Variants in DCHS2 observed in about 807,000 individuals in gnomAD.
DCHS2 encodes the protein dachsous cadherin-related 2, also known as protocadherin-23.
In DCHS2, 142 loss-of-function variants were observed where a neutral mutation model predicts 182.4. That is an observed-to-expected ratio of 0.78 (90% CI 0.68 to 0.89). DCHS2 has a LOEUF of 0.89. DCHS2 is among the 40% of genes least tolerant of loss of function. DCHS2 has a pLI of 0.00. For synonymous variants in DCHS2, 1,740 were observed against 1,663.3 expected (o/e 1.05, Z -1.12); for missense variants, 4,319 against 4,198.6 (o/e 1.03, Z -0.79).
rs762952228 is a variant in DCHS2, at chr4:154,333,024, G to T, written c.3184C>A (p.Pro1062Thr). 301 of 1,614,034 alleles carry T rather than the reference G, an allele frequency of 1.9e-4. No individual in the cohort carries two copies. Among genetic ancestry groups the T allele is most frequent in the Non-Finnish European group, 2.4e-4 (282 of 1,179,998 alleles). The change falls in exon 5 of 20, where the codon CCT becomes ACT. Residue 1062 changes from proline to threonine, a missense_variant. Coordinates refer to ENST00000357232, the MANE Select transcript of DCHS2 (RefSeq NM_001358235.2). ...GTCAGCACCAGCAGGGCTGCCTGAG[G>T]ATGCACGCCTTGGTCCTCGGCCCTG... ...TLRAEDQGVH[P>T]QAALLVLTVV...
At chr4:154,481,288 G>A (rs1171620915) in intron 1 of DCHS2, among the ~76,000 whole-genome samples, 3 of 152,170 alleles carry the variant, frequency 2.0e-5, no homozygotes, top group African/African-American at 4.8e-5. Context: ...TGGAGACAGG[G>A]TCTTGCTCTG....
chr4:154,358,064 C>G (rs1487409682), intron 3 of DCHS2, among the ~76,000 whole-genome samples: 1 of 152,142 alleles, frequency 6.6e-6, no homozygotes, highest in African/African-American at 2.4e-5. Flanking sequence ...TCCAAATTAT[C>G]AACATTTTAT....
At chr4:154,408,830 G>C (rs557530993) in intron 1 of DCHS2, among the ~76,000 whole-genome samples, 1 of 152,072 alleles carries the variant, frequency 6.6e-6, no homozygotes, top group Non-Finnish European at 1.5e-5. Flanking sequence ...AAGTAAGCAA[G>C]GGGACCCCAG....
chr4:154,345,554 T>G (rs1729319032), intron 3 of DCHS2, among the ~76,000 whole-genome samples: 1 of 152,248 alleles, frequency 6.6e-6, no homozygotes, highest in Non-Finnish European at 1.5e-5. Context: ...CTACAAGTCC[T>G]AATTATGCCA....
chr4:154,487,315 G>C (rs1173893585), intron 1 of DCHS2, among the ~76,000 whole-genome samples: 1 of 152,188 alleles, frequency 6.6e-6, no homozygotes, highest in African/African-American at 2.4e-5. Flanking sequence ...ATCTGACGCT[G>C]CATGGCTGGG....
Position 154,380,161 on chromosome 4 carries a change from T to C in DCHS2, c.2053-2717A>G, listed in dbSNP as rs183981200. Among the ~76,000 whole-genome samples, 50 of 152,300 alleles carry C rather than the reference T, an allele frequency of 3.3e-4. 1 individual carries two copies. Among genetic ancestry groups the C allele is most frequent in the Admixed American group, 3.3e-3 (50 of 15,280 alleles). Reference sequence around the variant, plus strand: ...TGAAACTCCTACCAATTGGCAGTGTTATTTTCCTGCTTTAATTGTCTATTT... The same window carrying C: ...TGAAACTCCTACCAATTGGCAGTGTCATTTTCCTGCTTTAATTGTCTATTT... On this transcript the variant is annotated intron_variant, in intron 1 of 19. Coordinates refer to ENST00000357232, the MANE Select transcript of DCHS2 (RefSeq NM_001358235.2).
intron 1 of DCHS2, among the ~76,000 whole-genome samples, chr4:154,378,417 G>A (rs542502310): frequency 1.4e-5 from 2 of 144,424 alleles, no homozygotes; most frequent in South Asian, 4.5e-4. Flanking sequence ...TTTAAGGGAA[G>A]ACAGAAAGAA....
intron 15 of DCHS2, 28 bp downstream of exon 15, chr4:154,259,493 GACACACCCACACACACACACACAC>G (rs1732864160): frequency 3.2e-6 from 5 of 1,575,664 alleles, no homozygotes; most frequent in South Asian, 1.2e-5. Flanking sequence ...CTCTCACACA[GACACACCCACACACACACACACAC>G]ACACACACAC....
Position 154,448,962 on chromosome 4 carries a change from T to C in DCHS2, c.2052+40342A>G, listed in dbSNP as rs115395709. ...TCCATCTGTGTGATTGTATGGTTAA[T>C]GCGTGCCTCCTCACTGGACTGTAAA... On this transcript the variant is annotated intron_variant, in intron 1 of 19. Transcript: ENST00000357232. Among the ~76,000 whole-genome samples the C allele has an allele frequency of 4.5e-3, 686 of 152,340 alleles. 5 individuals are homozygous for C. Among genetic ancestry groups the C allele is most frequent in the Non-Finnish European group, 6.5e-3 (442 of 68,026 alleles).
intron 1 of DCHS2, among the ~76,000 whole-genome samples, chr4:154,406,154 G>A (rs1430513817): frequency 1.3e-5 from 2 of 152,192 alleles, no homozygotes; most frequent in Admixed American, 6.5e-5. Context: ...CTCAGAGTCT[G>A]GGCCAGCATA....
At position 154,320,648 on chromosome 4, in the gene DCHS2, A is replaced by AC; in HGVS notation, c.4750_4751insG (p.Ile1584SerfsTer8). 6.2e-7 allele frequency: 1 copy of AC among 1,614,160 alleles called. No homozygotes were observed. Among genetic ancestry groups the AC allele is most frequent in the Non-Finnish European group, 8.5e-7 (1 of 1,180,018 alleles). On this transcript the variant is annotated frameshift_variant, in exon 9 of 20. Transcript: ENST00000357232. LOFTEE classifies it high-confidence loss of function. ...CTGATCAGATGCTGTTACTGTCAGGATGACAGTTGGAATGCTTTCTCTGTC... is the reference window on the plus strand; with the variant it reads ...CTGATCAGATGCTGTTACTGTCAGGACTGACAGTTGGAATGCTTTCTCTGTC...
rs746236665 is a variant in DCHS2 at position 154,377,366 on chromosome 4, C to A, written c.2131G>T (p.Ala711Ser). Residue 711 changes from alanine to serine, a missense_variant, in exon 2 of 20, where the codon GCA becomes TCA. By Grantham distance (99) the Ala-to-Ser change is moderately conservative. Coordinates refer to ENST00000357232, the MANE Select transcript of DCHS2 (RefSeq NM_001358235.2). ...SLYDGFLSYE[A>S]PQAFRIDPHD... Reference sequence around the variant, plus strand: ...GGGTCGATCCGGAATGCCTGAGGTGCTTCATAGCTCAGGAATCCATCATAA... The same window carrying A: ...GGGTCGATCCGGAATGCCTGAGGTGATTCATAGCTCAGGAATCCATCATAA... 2 of 1,613,262 alleles carry A rather than the reference C, an allele frequency of 1.2e-6. No individual in the cohort carries two copies. Among genetic ancestry groups the A allele is most frequent in the African/African-American group, 1.3e-5 (1 of 74,858 alleles).
At chr4:154,459,709 C>T (rs1020744007) in intron 1 of DCHS2, among the ~76,000 whole-genome samples, 1 of 151,572 alleles carries the variant, frequency 6.6e-6, no homozygotes, top group South Asian at 2.1e-4. Context: ...CAGTCCTTTT[C>T]TCTGTCTCCA....
chr4:154,266,840 T>C (rs1469888347), intron 14 of DCHS2, among the ~76,000 whole-genome samples: 1 of 152,180 alleles, frequency 6.6e-6, no homozygotes, highest in Non-Finnish European at 1.5e-5. Context: ...GTCTACATTG[T>C]TCGTTCTGCT....
At position 154,254,381 on chromosome 4, in the gene DCHS2, C is replaced by T. The variant is rs528379217; in HGVS notation, c.6941+1138G>A. Among the ~76,000 whole-genome samples the T allele has an allele frequency of 8.5e-4, 130 of 152,294 alleles. No homozygotes were observed. The South Asian group carries it at 0.01, about 12-fold the overall frequency. ...AGCATGGTAGTGGGTCTCGTTACTG[C>T]CTTCACTTAGTCACATATCCTAGAG... is the stretch of plus-strand genomic sequence containing the variant. On this transcript the variant is annotated intron_variant, in intron 16 of 19. Coordinates refer to ENST00000357232, the MANE Select transcript of DCHS2 (RefSeq NM_001358235.2).
chr4:154,322,722 C>A, intron 7 of DCHS2: 1 of 440,006 alleles, frequency 2.3e-6, no homozygotes, highest in Non-Finnish European at 3.9e-6. Context: ...TTCACGAGTC[C>A]ATCACCTAGC....
At chr4:154,328,252 T>C in intron 6 of DCHS2, 60 bp from the exon 7 acceptor site, 1 of 1,239,672 alleles carries the variant, frequency 8.1e-7, no homozygotes, top group Non-Finnish European at 1.2e-6. Flanking sequence ...GAAATATCAG[T>C]GGACCTTTAA....
rs776552012 is a variant in DCHS2 at position 154,236,340 on chromosome 4, A to G, written c.8312T>C (p.Phe2771Ser). The stretch of plus-strand genomic sequence containing the variant: ...TGGAACAATACAGCTGAAGCTTGAG[A>G]ACATAAACTGAGGTGCATGGTCGTT... ...DDNDHAPQFM[F>S]SSFSCIVPEN... The change falls in exon 20 of 20, where the codon TTC becomes TCC. Residue 2771 changes from phenylalanine (F) to serine (S), a missense_variant. By Grantham distance (155) the Phe-to-Ser change is radical. Transcript: ENST00000357232. 6.2e-5 allele frequency: 100 copies of G among 1,613,972 alleles called. No individual in the cohort carries two copies. Among genetic ancestry groups the G allele is most frequent in the Non-Finnish European group, 7.6e-5 (90 of 1,179,984 alleles).
intron 8 of DCHS2, among the ~76,000 whole-genome samples, chr4:154,321,919 T>C (rs1197483382): frequency 6.6e-6 from 1 of 152,186 alleles, no homozygotes; most frequent in Non-Finnish European, 1.5e-5. Context: ...AATCTGGAGT[T>C]ACTTTTCTAA....
Sources: allele counts gnomAD v4.1 joint callset (sites outside exome capture counted in the v4.1 genomes callset), GRCh38; gene constraint gnomAD v4.1.1; transcripts MANE v1.5; gene names NCBI Gene and HGNC (gene_info 2026-07-23, HGNC 2026-07-21).